Variants in GRAMD1C observed in about 807,000 individuals in gnomAD.
GRAMD1C encodes protein Aster-C.
In GRAMD1C, 89 loss-of-function variants were observed where a neutral mutation model predicts 97.8. The observed-to-expected ratio is 0.91, with a 90% CI of 0.77 to 1.09. The LOEUF (loss-of-function observed/expected upper bound fraction) is 1.09. GRAMD1C is among the 50% of genes least tolerant of loss of function. The pLI, the probability that GRAMD1C is intolerant of heterozygous loss-of-function variation, is 0.00. For missense variants in GRAMD1C, 740 were observed against 766.4 expected (o/e 0.97, Z 0.41); for synonymous variants, 256 against 267.0 (o/e 0.96, Z 0.40).
intron 2 of GRAMD1C, among the ~76,000 whole-genome samples, chr3:113,856,915 C>A (rs1934154646): frequency 6.6e-6 from 1 of 151,464 alleles, no homozygotes; most frequent in Admixed American, 6.6e-5. Context: ...TCTCGGCTCA[C>A]TGCAACCTCC....
chr3:113,914,225 A>G (rs768608517), intron 9 of GRAMD1C, among the ~76,000 whole-genome samples: 2 of 152,188 alleles, frequency 1.3e-5, no homozygotes, highest in Non-Finnish European at 2.9e-5. Flanking sequence ...AAAATTGCCT[A>G]GTTTTGTGAT....
chr3:113,911,173 G>GACACAC (rs60151773), intron 9 of GRAMD1C, among the ~76,000 whole-genome samples: 23 of 147,536 alleles, frequency 1.6e-4, no homozygotes, highest in African/African-American at 4.0e-4. Context: ...CAGAGAGAGA[G>GACACAC]ACACACACAC....
At chr3:113,829,628 C>G (rs1709532560) in intron 1 of GRAMD1C, among the ~76,000 whole-genome samples, 1 of 152,114 alleles carries the variant, frequency 6.6e-6, no homozygotes, top group Non-Finnish European at 1.5e-5. Flanking sequence ...TCCCATAAAA[C>G]TTTTACTCAG....
At chr3:113,923,102 A>G (rs745417598) in intron 10 of GRAMD1C, among the ~76,000 whole-genome samples, 2 of 151,828 alleles carry the variant, frequency 1.3e-5, no homozygotes, top group Non-Finnish European at 2.9e-5. Flanking sequence ...TAGAAATGCT[A>G]TTGATTTTTG....
At chr3:113,869,064 A>G (rs1934691907) in intron 2 of GRAMD1C, among the ~76,000 whole-genome samples, 1 of 152,074 alleles carries the variant, frequency 6.6e-6, no homozygotes, top group Non-Finnish European at 1.5e-5. Context: ...GATAGCTGCC[A>G]GTTTTCATGA....
At chr3:113,890,534 T>C in intron 6 of GRAMD1C, 1 of 511,714 alleles carries the variant, frequency 2.0e-6, no homozygotes, top group Non-Finnish European at 3.4e-6. Context: ...CACTTTCAGA[T>C]TCATTGTCAT....
intron 1 of GRAMD1C, among the ~76,000 whole-genome samples, chr3:113,833,120 C>CTTTTTTTT (rs200062835): frequency 1.9e-4 from 24 of 129,430 alleles, no homozygotes; most frequent in Admixed American, 2.5e-4. Flanking sequence ...TTCTTTCTTT[C>CTTTTTTTT]TTTTTTTTTT....
upstream of GRAMD1C, among the ~76,000 whole-genome samples, chr3:113,836,950 AATT>A (rs1328309618): frequency 6.6e-6 from 1 of 152,004 alleles, no homozygotes; most frequent in Non-Finnish European, 1.5e-5. Context: ...AGCTGCCAAA[AATT>A]ATTAATTATC....
At chr3:113,838,111 G>A (rs971363636), upstream of GRAMD1C, among the ~76,000 whole-genome samples, 16 of 152,182 alleles carry the variant, frequency 1.1e-4, no homozygotes, top group Non-Finnish European at 2.2e-4. Context: ...TTTCATCATG[G>A]CCTGAACTAG....
intron 10 of GRAMD1C, among the ~76,000 whole-genome samples, chr3:113,918,445 CT>C (rs1380886887): frequency 6.6e-6 from 1 of 152,086 alleles, no homozygotes; most frequent in African/African-American, 2.4e-5. Flanking sequence ...ATGAAGTTTG[CT>C]TTTTGAAACA....
upstream of GRAMD1C, among the ~76,000 whole-genome samples, chr3:113,837,941 A>G (rs1709666258): frequency 6.6e-6 from 1 of 152,220 alleles, no homozygotes; most frequent in African/African-American, 2.4e-5. Context: ...TATTATCAGT[A>G]GAAAGGAATG....
At chr3:113,867,664 G>A (rs751653716) in intron 2 of GRAMD1C, among the ~76,000 whole-genome samples, 6 of 151,980 alleles carry the variant, frequency 3.9e-5, no homozygotes, top group African/African-American at 1.2e-4. Flanking sequence ...AGAGTCACCC[G>A]CAAATTATAC....
At chr3:113,934,170 C>T (rs1235294412) in intron 12 of GRAMD1C, among the ~76,000 whole-genome samples, 1 of 151,940 alleles carries the variant, frequency 6.6e-6, no homozygotes, top group African/African-American at 2.4e-5. Context: ...GCCTTCATTG[C>T]TATTTAGATA....
intron 10 of GRAMD1C, among the ~76,000 whole-genome samples, chr3:113,924,580 A>G (rs1937170032): frequency 6.6e-6 from 1 of 152,166 alleles, no homozygotes; most frequent in Non-Finnish European, 1.5e-5. Context: ...TATGATTTTT[A>G]GTGATCTTCT....
intron 9 of GRAMD1C, among the ~76,000 whole-genome samples, chr3:113,913,429 C>CAAAAAAAAAAA (rs765510213): frequency 1.5e-5 from 1 of 68,296 alleles, no homozygotes; most frequent in Admixed American, 1.8e-4. Context: ...ACTCTGTCTC[C>CAAAAAAAAAAA]AAAAAAAAAA....
At chr3:113,939,759 A>C in intron 15 of GRAMD1C, 127 bp from the exon 16 acceptor site, 1 of 565,126 alleles carries the variant, frequency 1.8e-6, no homozygotes. Context: ...TAATTGATTT[A>C]AATAATAACA....
chr3:113,882,253 G>T (rs1374355334), intron 5 of GRAMD1C, among the ~76,000 whole-genome samples: 1 of 152,130 alleles, frequency 6.6e-6, no homozygotes, highest in Non-Finnish European at 1.5e-5. Context: ...TTAGCAGAGA[G>T]AGGTATTTCT....
chr3:113,938,539 A>G (rs1937628161), intron 15 of GRAMD1C: 1 of 155,072 alleles, frequency 6.4e-6, no homozygotes, highest in African/African-American at 2.4e-5. Context: ...TGCTGTGCCT[A>G]AGAATCACTT....
Position 113,885,266 on chromosome 3 carries a change from C to T in GRAMD1C, c.540+2434C>T, listed in dbSNP as rs1397376773. 1.4e-5 allele frequency: 19 copies of T among 1,311,520 alleles called. No individual in the cohort carries two copies. In the South Asian group the frequency reaches 1.9e-4, roughly 13 times the overall value. The allele number at this position is 1,311,520 out of a possible 1,614,324, so 81.2% of individuals were successfully genotyped here. On this transcript the variant is annotated intron_variant, in intron 6 of 17. Coordinates refer to ENST00000358160, the MANE Select transcript of GRAMD1C (RefSeq NM_017577.5). ...GGCTGGCGGAGCTGGGCCGTGGGGGCCTCCGGGGCCGGCGGTGCCGGGGTC... is the reference window on the plus strand; with the variant it reads ...GGCTGGCGGAGCTGGGCCGTGGGGGTCTCCGGGGCCGGCGGTGCCGGGGTC...
Sources: gnomAD v4.1 joint callset for allele counts (sites outside exome capture counted in the v4.1 genomes callset) on GRCh38, gnomAD v4.1.1 for gene constraint, MANE v1.5 for transcripts, NCBI Gene and HGNC (gene_info 2026-07-23, HGNC 2026-07-21) for gene names.